Variants in EYS observed in about 807,000 individuals in gnomAD.
The protein encoded by EYS is EGF-like photoreceptor maintenance factor, also known as protein eyes shut homolog.
EYS carries 250 observed loss-of-function variants against 282.1 expected under a neutral mutation model. The observed-to-expected ratio is 0.89, with a 90% confidence interval of 0.80 to 0.98. EYS has a LOEUF of 0.98. Ranked by LOEUF, EYS falls within the 50% of genes least tolerant of loss-of-function variation. The pLI is 0.00. For synonymous variants in EYS, 1,355 were observed against 1,282.9 expected (o/e 1.06, Z -1.20); for missense variants, 4,016 against 3,709.0 (o/e 1.08, Z -2.15).
Position 65,556,024 on chromosome 6 carries a change from T to C in EYS, c.-332-60031A>G, listed in dbSNP as rs555873210. Among the ~76,000 whole-genome samples, 181 of 152,340 alleles carry C rather than the reference T, an allele frequency of 1.2e-3. 1 individual carries two copies. The highest frequency in any genetic ancestry group is 3.4e-3 in the Middle Eastern group (1 of 294). ...CTTGCCTTTGTGGCTCACATTATAT[T>C]TCCTTTGGTCTGTGCTGTTCTAGCT... On this transcript the variant is annotated intron_variant, in intron 2 of 42. Transcript: ENST00000503581.
At chr6:64,453,487 C>T (rs1775439542) in intron 26 of EYS, among the ~76,000 whole-genome samples, 2 of 152,158 alleles carry the variant, frequency 1.3e-5, no homozygotes, top group South Asian at 2.1e-4. Context: ...TACCATTTGA[C>T]CCTGCCATCC....
chr6:64,687,013 A>C (rs953337867), intron 22 of EYS, among the ~76,000 whole-genome samples: 11 of 150,092 alleles, frequency 7.3e-5, no homozygotes, highest in African/African-American at 2.4e-4. Flanking sequence ...AATTCCTAGA[A>C]AAACACAATT....
chr6:65,451,582 C>T (rs9351497), intron 5 of EYS, among the ~76,000 whole-genome samples: 28,107 of 151,912 alleles, frequency 0.19, 3,245 homozygotes, highest in Middle Eastern at 0.3. Flanking sequence ...TTTAGAGATA[C>T]ACAGTATTGT....
At position 64,439,253 on chromosome 6, in the gene EYS, C is replaced by A; in HGVS notation, c.5744G>T (p.Ser1915Ile). ...NNISLEFQTF[S>I]SYGLLLYVKQ... is the part of the protein sequence containing the mutation. ...GACATACAGCAGAAGTCCATAGGAGCTGAAGGTCTGAAATTCTAGGGAGAT... is the reference window on the plus strand; with the variant it reads ...GACATACAGCAGAAGTCCATAGGAGATGAAGGTCTGAAATTCTAGGGAGAT... Residue 1915 changes from serine (S) to isoleucine (I), a missense_variant, in exon 27 of 43, where the codon AGC becomes ATC. Coordinates refer to ENST00000503581, the MANE Select transcript of EYS (RefSeq NM_001142800.2). 1 of 1,513,368 alleles carries A rather than the reference C, an allele frequency of 6.6e-7. No homozygotes were observed. The highest frequency in any genetic ancestry group is 8.8e-7 in the Non-Finnish European group (1 of 1,130,568). The allele number at this position is 1,513,368 out of a possible 1,614,324, so 93.7% of individuals were successfully genotyped here.
intron 31 of EYS, among the ~76,000 whole-genome samples, chr6:64,095,127 T>A (rs1039471053): frequency 6.6e-6 from 1 of 152,244 alleles, no homozygotes; most frequent in Non-Finnish European, 1.5e-5. Flanking sequence ...GACAGTTTGT[T>A]ATAATTTCTG....
chr6:64,697,112 G>A (rs1770608039), intron 22 of EYS, among the ~76,000 whole-genome samples: 1 of 151,982 alleles, frequency 6.6e-6, no homozygotes, highest in South Asian at 2.1e-4. Flanking sequence ...ATATAGTTCG[G>A]CAGTGTGGAT....
intron 5 of EYS, 21 bp from the exon 6 acceptor site, chr6:65,405,388 G>GAGAAA: frequency 1.3e-6 from 2 of 1,484,990 alleles, no homozygotes; most frequent in South Asian, 1.2e-5. Context: ...TCACACACAA[G>GAGAAA]AAAAAAAAAG....
At chr6:65,104,681 C>T (rs191949205) in intron 12 of EYS, among the ~76,000 whole-genome samples, 1 of 151,510 alleles carries the variant, frequency 6.6e-6, no homozygotes, top group Admixed American at 6.6e-5. Context: ...ACGACCTCAT[C>T]TTGTGTAATA....
chr6:64,303,727 G>A (rs998337003), intron 30 of EYS, among the ~76,000 whole-genome samples: 42 of 150,772 alleles, frequency 2.8e-4, no homozygotes, highest in African/African-American at 1.0e-3. Flanking sequence ...TGTAGTCCCA[G>A]CTACACGGGA....
At chr6:65,651,939 AAG>A (rs1224496197) in intron 1 of EYS, among the ~76,000 whole-genome samples, 1 of 152,070 alleles carries the variant, frequency 6.6e-6, no homozygotes, top group African/African-American at 2.4e-5. Context: ...AACTCCTGGA[AAG>A]AGAGAAAAAC....
intron 19 of EYS, among the ~76,000 whole-genome samples, chr6:64,830,525 A>G (rs548313254): frequency 6.6e-6 from 1 of 151,980 alleles, no homozygotes; most frequent in Non-Finnish European, 1.5e-5. Flanking sequence ...AGATTAATTC[A>G]CCAGGTAATC....
intron 31 of EYS, among the ~76,000 whole-genome samples, chr6:64,171,276 G>C (rs1764471167): frequency 6.6e-6 from 1 of 152,146 alleles, no homozygotes; most frequent in Non-Finnish European, 1.5e-5. Context: ...CGGAAAGTAA[G>C]TGGAATTTAA....
At chr6:63,805,654 C>A (rs2149678579) in intron 37 of EYS, among the ~76,000 whole-genome samples, 1 of 152,234 alleles carries the variant, frequency 6.6e-6, no homozygotes, top group East Asian at 1.9e-4. Context: ...GAATTGTAAT[C>A]CCCATAATCC....
At chr6:65,443,468 C>CAT (rs145173346) in intron 5 of EYS, among the ~76,000 whole-genome samples, 14,058 of 128,360 alleles carry the variant, frequency 0.11, 738 homozygotes, top group East Asian at 0.18. Flanking sequence ...ACGCCATACA[C>CAT]ATGCACATAT....
intron 22 of EYS, among the ~76,000 whole-genome samples, chr6:64,668,634 G>C (rs929141803): frequency 1.4e-5 from 2 of 143,696 alleles, no homozygotes; most frequent in Non-Finnish European, 3.0e-5. Flanking sequence ...ACGCAATCTC[G>C]GCTCACCGCA....
chr6:63,736,636 A>C (rs1768920701), intron 41 of EYS, among the ~76,000 whole-genome samples: 1 of 152,188 alleles, frequency 6.6e-6, no homozygotes, highest in Non-Finnish European at 1.5e-5. Context: ...AGTCATTGGT[A>C]GCTTGATGGG....
In EYS at chr6:63,726,667, A is replaced by C. The variant is rs1768628386; in HGVS notation, c.8085T>G (p.Ser2695Arg). 1 of 1,551,046 alleles carries C rather than the reference A, an allele frequency of 6.4e-7. No homozygotes were observed. Among genetic ancestry groups the C allele is most frequent in the Non-Finnish European group, 8.7e-7 (1 of 1,146,652 alleles). The stretch of plus-strand genomic sequence containing the variant: ...ACTCATTGCTTCTGAAAGATGGATC[A>C]CTTATGGATAAAGCTGAGGGAAGGA... ...GIYCEQALSI[S>R]DPSFRSNELS... Residue 2695 changes from serine (S) to arginine (R), a missense_variant, in exon 42 of 43, where the codon AGT (serine) becomes AGG (arginine). Coordinates refer to ENST00000503581, the MANE Select transcript of EYS (RefSeq NM_001142800.2).
chr6:64,370,564 T>A (rs1772330445), intron 29 of EYS, among the ~76,000 whole-genome samples: 1 of 152,150 alleles, frequency 6.6e-6, no homozygotes, highest in African/African-American at 2.4e-5. Flanking sequence ...TCCCCCCTCC[T>A]CATTTTTTCA....
At chr6:63,762,950 A>G (rs57305989) in intron 40 of EYS, among the ~76,000 whole-genome samples, 12,368 of 152,074 alleles carry the variant, frequency 0.081, 559 homozygotes, top group East Asian at 0.16. Flanking sequence ...AAAGCTGTGC[A>G]TGGTGTTGCT....
Sources: allele counts gnomAD v4.1 joint callset (sites outside exome capture counted in the v4.1 genomes callset), GRCh38; gene constraint gnomAD v4.1.1; transcripts MANE v1.5; gene names NCBI Gene and HGNC (gene_info 2026-07-23, HGNC 2026-07-21).